Variants in FKTN observed in about 807,000 individuals in gnomAD.
FKTN encodes fukutin, also known as ribitol-5-phosphate transferase FKTN.
FKTN carries 47 observed loss-of-function variants against 58.6 expected under a neutral mutation model. The observed-to-expected ratio is 0.80, with a 90% CI of 0.63 to 1.02. The LOEUF (loss-of-function observed/expected upper bound fraction) is 1.02, where lower values mean the gene tolerates loss of function less well. FKTN is among the 50% of genes least tolerant of loss of function. The pLI, the probability that FKTN is intolerant of heterozygous loss-of-function variation, is 0.00. For synonymous variants in FKTN, 178 were observed against 191.9 expected (o/e 0.93, Z 0.60); for missense variants, 516 against 537.3 (o/e 0.96, Z 0.39).
At chr9:105,588,948 T>A (rs541216102) in intron 3 of FKTN, among the ~76,000 whole-genome samples, 156 of 152,304 alleles carry the variant, frequency 1.0e-3, no homozygotes, top group African/African-American at 3.6e-3. Flanking sequence ...AGATTATTTA[T>A]TCTCTTGGTT....
At chr9:105,598,932 GACAC>G (rs3030697) in intron 4 of FKTN, among the ~76,000 whole-genome samples, 6 of 149,898 alleles carry the variant, frequency 4.0e-5, no homozygotes, top group East Asian at 1.9e-4. Context: ...AACCCTAAAA[GACAC>G]ACACACACAC....
intron 3 of FKTN, among the ~76,000 whole-genome samples, chr9:105,580,103 G>A (rs1348631949): frequency 6.6e-6 from 1 of 151,904 alleles, no homozygotes; most frequent in Non-Finnish European, 1.5e-5. Context: ...ATACTGGTGG[G>A]TCTTGACTCT....
chr9:105,617,820 C>A, intron 8 of FKTN, 139 bp from the exon 9 acceptor site: 2 of 601,338 alleles, frequency 3.3e-6, no homozygotes, highest in East Asian at 3.0e-5. Flanking sequence ...CAGGAGTTTG[C>A]GTACAGCCTG....
chr9:105,595,575 G>A (rs1826625430), intron 3 of FKTN, among the ~76,000 whole-genome samples: 1 of 152,144 alleles, frequency 6.6e-6, no homozygotes, highest in Non-Finnish European at 1.5e-5. Context: ...TGTGAGGAGA[G>A]ACCAATTCTG....
Position 105,640,090 on chromosome 9 carries a change from A to G in FKTN, c.*4826A>G, listed in dbSNP as rs1834318656. On this transcript the variant is annotated 3_prime_UTR_variant, in exon 11 of 11. Coordinates refer to ENST00000357998, the MANE Select transcript of FKTN (RefSeq NM_001079802.2). ...TTTCTGCCCTCAAATTTCTGTTTCT[A>G]TCTCAACTAGGCAAGAATCAGCAGG... is the stretch of plus-strand genomic sequence containing the variant. 37 of 1,535,126 alleles carry G rather than the reference A, an allele frequency of 2.4e-5. No individual in the cohort carries two copies. The highest frequency in any genetic ancestry group is 3.1e-5 in the Non-Finnish European group (35 of 1,146,428).
chr9:105,581,426 T>C (rs377746070), intron 3 of FKTN, among the ~76,000 whole-genome samples: 3 of 148,992 alleles, frequency 2.0e-5, no homozygotes, highest in African/African-American at 5.1e-5. Context: ...GTACCCTGCC[T>C]TGTGAGGTGT....
At chr9:105,580,321 T>C (rs1587918851) in intron 3 of FKTN, among the ~76,000 whole-genome samples, 1 of 152,106 alleles carries the variant, frequency 6.6e-6, no homozygotes, top group Non-Finnish European at 1.5e-5. Context: ...TTCCTTTCCA[T>C]GTTTAGTGCT....
At chr9:105,582,026 C>T (rs1171336357) in intron 3 of FKTN, among the ~76,000 whole-genome samples, 8 of 152,166 alleles carry the variant, frequency 5.3e-5, no homozygotes, top group South Asian at 2.1e-4. Flanking sequence ...TGCTTCGGCT[C>T]GCGCACGGTG....
intron 7 of FKTN, among the ~76,000 whole-genome samples, chr9:105,609,255 C>T (rs997174185): frequency 6.6e-6 from 1 of 152,038 alleles, no homozygotes; most frequent in Non-Finnish European, 1.5e-5. Flanking sequence ...ATCTAATAGA[C>T]CTCATCAAGC....
intron 2 of FKTN, 132 bp from the exon 3 acceptor site, chr9:105,574,813 T>A (rs149188102): frequency 2.1e-6 from 1 of 479,818 alleles, no homozygotes; most frequent in Admixed American, 3.6e-5. Flanking sequence ...TGATTATTTC[T>A]TTAGCATAGA....
intron 3 of FKTN, among the ~76,000 whole-genome samples, chr9:105,592,196 A>G (rs540061363): frequency 6.2e-4 from 95 of 152,316 alleles, no homozygotes; most frequent in African/African-American, 2.2e-3. Flanking sequence ...TTTCTTTTCT[A>G]TCACATGGCC....
chr9:105,636,760 ATAG>A lies in FKTN; in HGVS notation c.*1501_*1503del. ...GATTTTCCTCTGACACCAGAGAACA[ATAG>A]TAGTCTCAAGAATGGAAACCTGAAT... On this transcript the variant is annotated 3_prime_UTR_variant, in exon 11 of 11. Coordinates refer to ENST00000357998, the MANE Select transcript of FKTN (RefSeq NM_001079802.2). 1.6e-6 allele frequency: 2 copies of A among 1,287,978 alleles called. No individual in the cohort carries two copies. Among genetic ancestry groups the A allele is most frequent in the Non-Finnish European group, 2.0e-6 (2 of 977,672 alleles). 79.8% of individuals were successfully genotyped at this position (1,287,978 alleles called of 1,614,324 possible). A position where few individuals can be genotyped will look rare whatever the true frequency, so the allele number is the denominator to read the frequency against.
chr9:105,592,317 GC>G (rs1845041373), intron 3 of FKTN, among the ~76,000 whole-genome samples: 1 of 152,148 alleles, frequency 6.6e-6, no homozygotes, highest in South Asian at 2.1e-4. Context: ...AAGCAGCCAG[GC>G]CAGATCTTGA....
At chr9:105,565,822 C>T (rs563274848) in intron 1 of FKTN, among the ~76,000 whole-genome samples, 15 of 152,310 alleles carry the variant, frequency 9.8e-5, no homozygotes, top group Non-Finnish European at 2.1e-4. Flanking sequence ...ATAGAACTCT[C>T]CACCCCAAAT....
At chr9:105,563,839 C>T (rs1447736373) in intron 1 of FKTN, among the ~76,000 whole-genome samples, 5 of 152,316 alleles carry the variant, frequency 3.3e-5, no homozygotes, top group East Asian at 3.9e-4. Flanking sequence ...GATCTGAGAA[C>T]GGACAGACTG....
At chr9:105,629,910 G>A (rs999412924) in intron 10 of FKTN, among the ~76,000 whole-genome samples, 6 of 152,114 alleles carry the variant, frequency 3.9e-5, no homozygotes, top group African/African-American at 1.4e-4. Context: ...GGATGAAGCT[G>A]GAAACCATCA....
rs567088140 is a variant in FKTN, at chr9:105,584,869, C to T, written c.105+9732C>T. Among the ~76,000 whole-genome samples, 7 of 151,886 alleles carry T rather than the reference C, an allele frequency of 4.6e-5. No homozygotes were observed. In the East Asian group the frequency reaches 1.4e-3, roughly 29 times the overall value. On this transcript the variant is annotated intron_variant, in intron 3 of 10. Coordinates refer to ENST00000357998, the MANE Select transcript of FKTN (RefSeq NM_001079802.2). ...AAATTATATTAAACCGTTTGTAGCC[C>T]AGTAATTGTATCCTTTAAAATGGAA...
At chr9:105,566,849 G>T (rs984275783) in intron 1 of FKTN, among the ~76,000 whole-genome samples, 3 of 152,158 alleles carry the variant, frequency 2.0e-5, no homozygotes, top group Admixed American at 1.3e-4. Flanking sequence ...CAAAAAAAGA[G>T]AATTTTAGAT....
chr9:105,604,160 A>C, intron 5 of FKTN, 55 bp from the exon 6 acceptor site: 1 of 1,584,850 alleles, frequency 6.3e-7, no homozygotes, highest in Non-Finnish European at 8.7e-7. Context: ...ATTTGGCTTT[A>C]AATATTCAAT....
Sources: gnomAD v4.1 joint callset for allele counts (sites outside exome capture counted in the v4.1 genomes callset) on GRCh38, gnomAD v4.1.1 for gene constraint, MANE v1.5 for transcripts, NCBI Gene and HGNC (gene_info 2026-07-23, HGNC 2026-07-21) for gene names.